ZNF66: variants seen among roughly 807,000 people sequenced by gnomAD.
ZNF66 encodes putative zinc finger protein 66.
A neutral mutation model predicts 35.2 loss-of-function variants in ZNF66; 32 were observed. That is an observed-to-expected ratio of 0.91 (90% CI 0.69 to 1.22). The LOEUF is 1.22. Ranked by LOEUF, ZNF66 falls within the 50% of genes most tolerant of loss-of-function variation. The pLI, the probability that ZNF66 is intolerant of heterozygous loss-of-function variation, is 0.00. For missense variants in ZNF66, 666 were observed against 543.1 expected (o/e 1.23, Z -2.25); for synonymous variants, 231 against 181.3 (o/e 1.27, Z -2.20).
In ZNF66 at chr19:20,807,333, A is replaced by G; in HGVS notation, c.*11A>G. Reference sequence around the variant, plus strand: ...GTGGCAAAGCCTTAGACACTCCTCTACCCTTACTAGACATAAGATAATTCA... The same window carrying G: ...GTGGCAAAGCCTTAGACACTCCTCTGCCCTTACTAGACATAAGATAATTCA... On this transcript the variant is annotated 3_prime_UTR_variant, in exon 4 of 4. Transcript: ENST00000344519. 2 of 619,978 alleles carry G rather than the reference A, an allele frequency of 3.2e-6. No homozygotes were observed. Among genetic ancestry groups the G allele is most frequent in the Non-Finnish European group, 5.8e-6 (2 of 344,120 alleles). The allele number at this position is 619,978 out of a possible 1,614,324, so 38.4% of individuals were successfully genotyped here.
chr19:20,790,878 G>T (rs1971331003), intron 1 of ZNF66, among the ~76,000 whole-genome samples: 1 of 152,110 alleles, frequency 6.6e-6, no homozygotes, highest in Non-Finnish European at 1.5e-5. Flanking sequence ...TCCTCCCTAA[G>T]GAGTTTGGTT....
At position 20,776,429 on chromosome 19, in the gene ZNF66, A is replaced by G; in HGVS notation, c.-19A>G. The G allele has an allele frequency of 6.4e-7, 1 of 1,558,128 alleles. No homozygotes were observed. Among genetic ancestry groups the G allele is most frequent in the Non-Finnish European group, 8.8e-7 (1 of 1,131,212 alleles). ...GGAGATCCACAGCTAAGACGCCAGGACCCCCTGGAAGCCTAGAAATGGTGA... is the reference window on the plus strand; with the variant it reads ...GGAGATCCACAGCTAAGACGCCAGGGCCCCCTGGAAGCCTAGAAATGGTGA... On this transcript the variant is annotated 5_prime_UTR_variant, in exon 1 of 4. Coordinates refer to ENST00000344519, the MANE Select transcript of ZNF66 (RefSeq NM_001355197.2).
chr19:20,805,665 ATG>A (rs1971495297), intron 3 of ZNF66, among the ~76,000 whole-genome samples, 160 bp from the exon 4 acceptor site: 1 of 151,916 alleles, frequency 6.6e-6, no homozygotes, highest in South Asian at 2.1e-4. Context: ...TTTGGGCAGT[ATG>A]TTTTTTTTAC....
rs184115846 is a variant in ZNF66 at position 20,806,210 on chromosome 19, A to G, written c.610A>G (p.Ile204Val). 3.5e-5 allele frequency: 48 copies of G among 1,366,804 alleles called. No individual in the cohort carries two copies. The highest frequency in any genetic ancestry group is 1.8e-4 in the Middle Eastern group (1 of 5,570). 84.7% of individuals were successfully genotyped at this position (1,366,804 alleles called of 1,614,324 possible). Residue 204 changes from isoleucine (I) to valine (V), a missense_variant, in exon 4 of 4, where the codon ATA becomes GTA. Coordinates refer to ENST00000344519, the MANE Select transcript of ZNF66 (RefSeq NM_001355197.2). ...TACTGGAGAGAAACCCTATAAATGT[A>G]TAGAATGTGGCAAAGCCTTCAACCG... is the stretch of plus-strand genomic sequence containing the variant. ...IHTGEKPYKCIECGKAFNRSS... is the reference protein window; with the variant it reads ...IHTGEKPYKCVECGKAFNRSS...
intron 1 of ZNF66, among the ~76,000 whole-genome samples, chr19:20,788,204 T>C (rs1435071227): frequency 1.3e-5 from 2 of 152,156 alleles, no homozygotes; most frequent in Non-Finnish European, 1.5e-5. Context: ...TTCAATTTCA[T>C]ATAGCCATTA....
At chr19:20,804,328 C>T (rs1051202756) in intron 3 of ZNF66, among the ~76,000 whole-genome samples, 7 of 152,028 alleles carry the variant, frequency 4.6e-5, no homozygotes, top group African/African-American at 1.5e-4. Flanking sequence ...ACTGCAACCT[C>T]CATCTCCCAG....
rs1246525768 is a variant in ZNF66 at position 20,809,605 on chromosome 19, A to G, written c.*2283A>G. On this transcript the variant is annotated 3_prime_UTR_variant, in exon 4 of 4. Transcript: ENST00000344519. Reference sequence around the variant, plus strand: ...AAGCTTCATAAGTGAAGGAGAAATAAAATACTTTACAGACAAGCAAATGCT... The same window carrying G: ...AAGCTTCATAAGTGAAGGAGAAATAGAATACTTTACAGACAAGCAAATGCT... Among the ~76,000 whole-genome samples, 3 of 151,814 alleles carry G rather than the reference A, an allele frequency of 2.0e-5. No homozygotes were observed. The highest frequency in any genetic ancestry group is 1.3e-4 in the Admixed American group (2 of 15,240).
intron 1 of ZNF66, 101 bp downstream of exon 1, chr19:20,776,551 T>A: frequency 7.2e-7 from 1 of 1,392,580 alleles, no homozygotes; most frequent in Non-Finnish European, 1.0e-6. Flanking sequence ...GAATTCTCCT[T>A]ACCCAGCTCT....
chr19:20,784,883 T>A (rs138158240), intron 1 of ZNF66: 5 of 152,996 alleles, frequency 3.3e-5, no homozygotes, highest in African/African-American at 7.2e-5. Flanking sequence ...CTCAAAATTA[T>A]CTTGCTCAGA....
intron 2 of ZNF66, among the ~76,000 whole-genome samples, chr19:20,793,317 CT>C: frequency 1.4e-5 from 1 of 71,720 alleles, no homozygotes; most frequent in Non-Finnish European, 3.0e-5. Context: ...CTTTTCTTTT[CT>C]TTTCTTTTCT....
In ZNF66 at chr19:20,809,872, A is replaced by G. The variant is rs1362593542; in HGVS notation, c.*2550A>G. ...AAATGGGCTAAATGCTCCAATTAAAAGACACAGACAGGCAAATTGGATAAA... is the reference window on the plus strand; with the variant it reads ...AAATGGGCTAAATGCTCCAATTAAAGGACACAGACAGGCAAATTGGATAAA... On this transcript the variant is annotated 3_prime_UTR_variant, in exon 4 of 4. Coordinates refer to ENST00000344519, the MANE Select transcript of ZNF66 (RefSeq NM_001355197.2). 6.6e-6 allele frequency among the ~76,000 whole-genome samples: 1 copy of G among 152,192 alleles called. No homozygotes were observed. The highest frequency in any genetic ancestry group is 1.5e-5 in the Non-Finnish European group (1 of 68,046).
At chr19:20,787,755 T>C (rs1971300668) in intron 1 of ZNF66, among the ~76,000 whole-genome samples, 1 of 152,238 alleles carries the variant, frequency 6.6e-6, no homozygotes, top group Non-Finnish European at 1.5e-5. Flanking sequence ...ATCACAATTA[T>C]AATTACCTGT....
chr19:20,793,943 C>A, intron 3 of ZNF66, 65 bp downstream of exon 3: 1 of 750,818 alleles, frequency 1.3e-6, no homozygotes, highest in Non-Finnish European at 2.1e-6. Context: ...AAAAAGAAAG[C>A]CAGTCCTTAA....
intron 1 of ZNF66, among the ~76,000 whole-genome samples, chr19:20,791,777 TC>T (rs1971340089): frequency 6.6e-6 from 1 of 152,194 alleles, no homozygotes; most frequent in Non-Finnish European, 1.5e-5. Context: ...TAAAAATTTG[TC>T]CTAGTGCAGT....
intron 1 of ZNF66, among the ~76,000 whole-genome samples, chr19:20,776,692 G>T (rs1308871422): frequency 6.6e-6 from 1 of 152,214 alleles, no homozygotes; most frequent in African/African-American, 2.4e-5. Flanking sequence ...CACCCGCAGT[G>T]CCGTGTCTCT....
At chr19:20,802,972 A>C (rs1487615129) in intron 3 of ZNF66, among the ~76,000 whole-genome samples, 1 of 150,042 alleles carries the variant, frequency 6.7e-6, no homozygotes, top group Non-Finnish European at 1.5e-5. Flanking sequence ...TTTTGACTTA[A>C]AGTACATTTT....
At chr19:20,783,769 T>G (rs1216535005) in intron 1 of ZNF66, among the ~76,000 whole-genome samples, 4 of 152,248 alleles carry the variant, frequency 2.6e-5, no homozygotes, top group African/African-American at 9.6e-5. Flanking sequence ...GAATCTGTAG[T>G]TGTACCTTGT....
Position 20,805,956 on chromosome 19 carries a change from G to T in ZNF66, c.356G>T (p.Ser119Ile). ...DNLQLKKGCE[S>I]VDKCKVHKRG... ...TTGCAGTTAAAAAAAGGCTGTGAAA[G>T]TGTGGATAAGTGTAAAGTGCACAAA... The change falls in exon 4 of 4, where the codon AGT (serine) becomes ATT (isoleucine). Residue 119 changes from serine to isoleucine, a missense_variant. Physicochemically the swap from Ser to Ile is moderately radical, Grantham distance 142. Coordinates refer to ENST00000344519, the MANE Select transcript of ZNF66 (RefSeq NM_001355197.2). 1.4e-6 allele frequency: 1 copy of T among 709,560 alleles called. No individual in the cohort carries two copies. 44.0% of individuals were successfully genotyped at this position (709,560 alleles called of 1,614,324 possible).
Position 20,809,402 on chromosome 19 carries a change from A to G in ZNF66, c.*2080A>G, listed in dbSNP as rs1219783144. Among the ~76,000 whole-genome samples the G allele has an allele frequency of 1.3e-5, 2 of 152,156 alleles. No individual in the cohort carries two copies. Among genetic ancestry groups the G allele is most frequent in the East Asian group, 3.9e-4 (2 of 5,188 alleles). On this transcript the variant is annotated 3_prime_UTR_variant, in exon 4 of 4. Transcript: ENST00000344519. ...GTCAGATTCACCAAAGTTGAAATGA[A>G]GGAAAAAATGTTAAGGGCAGCCAGA...
Sources: gnomAD v4.1 joint callset for allele counts (sites outside exome capture counted in the v4.1 genomes callset) on GRCh38, gnomAD v4.1.1 for gene constraint, MANE v1.5 for transcripts, NCBI Gene and HGNC (gene_info 2026-07-23, HGNC 2026-07-21) for gene names.